Variants in MEI4 observed in about 807,000 individuals in gnomAD.
MEI4 encodes the protein meiotic double-stranded break formation protein 4.
A neutral mutation model predicts 31.4 loss-of-function variants in MEI4; 27 were observed. The ratio of observed to expected loss-of-function variants is 0.86; its 90% confidence interval spans 0.63 to 1.19. MEI4 has a LOEUF of 1.19. Among genes scored for constraint, MEI4 ranks in the 50% most tolerant of loss-of-function variants. The pLI is 0.00. For missense variants in MEI4, 329 were observed against 398.9 expected (o/e 0.82, Z 1.49); for synonymous variants, 122 against 145.4 (o/e 0.84, Z 1.16).
At chr6:77,839,855 T>G (rs1770315232) in intron 4 of MEI4, among the ~76,000 whole-genome samples, 1 of 152,174 alleles carries the variant, frequency 6.6e-6, no homozygotes, top group Admixed American at 6.5e-5. Context: ...TCTTAGTATT[T>G]CTAGGATACA....
At chr6:77,805,243 T>C (rs904175720) in intron 3 of MEI4, among the ~76,000 whole-genome samples, 2 of 152,146 alleles carry the variant, frequency 1.3e-5, no homozygotes, top group African/African-American at 2.4e-5. Context: ...TTAGATACCA[T>C]ACTTCTGTAC....
intron 3 of MEI4, among the ~76,000 whole-genome samples, chr6:77,768,506 C>T (rs1442845592): frequency 2.6e-5 from 4 of 152,058 alleles, no homozygotes; most frequent in Admixed American, 2.6e-4. Context: ...TCGAGACCAG[C>T]CTGGCCAACG....
intron 3 of MEI4, among the ~76,000 whole-genome samples, chr6:77,821,986 T>A (rs1769837725): frequency 6.6e-6 from 1 of 152,162 alleles, no homozygotes; most frequent in Admixed American, 6.5e-5. Context: ...GAAAATTTTG[T>A]GCTGGTGATG....
At chr6:77,776,227 AGTG>A (rs1768438407) in intron 3 of MEI4, among the ~76,000 whole-genome samples, 1 of 151,816 alleles carries the variant, frequency 6.6e-6, no homozygotes, top group Non-Finnish European at 1.5e-5. Flanking sequence ...TTCTAAATAA[AGTG>A]GTAACAATCA....
At chr6:77,785,986 C>A (rs570890631) in intron 3 of MEI4, among the ~76,000 whole-genome samples, 1 of 152,254 alleles carries the variant, frequency 6.6e-6, no homozygotes, top group African/African-American at 2.4e-5. Context: ...ACAGAAACAT[C>A]TGAAGCACAG....
intron 4 of MEI4, among the ~76,000 whole-genome samples, chr6:77,867,877 C>T (rs1447363070): frequency 6.6e-6 from 1 of 152,094 alleles, no homozygotes; most frequent in Non-Finnish European, 1.5e-5. Flanking sequence ...CCATGGAATA[C>T]TATGCAGCCA....
intron 3 of MEI4, among the ~76,000 whole-genome samples, chr6:77,793,359 A>G (rs759910871): frequency 3.3e-5 from 5 of 152,238 alleles, no homozygotes; most frequent in Non-Finnish European, 7.3e-5. Flanking sequence ...GCAGTAGTTC[A>G]TAACTAGTCC....
At chr6:77,869,562 A>G (rs2127724807) in intron 4 of MEI4, among the ~76,000 whole-genome samples, 1 of 152,270 alleles carries the variant, frequency 6.6e-6, no homozygotes, top group South Asian at 2.1e-4. Flanking sequence ...GAGAGGGCTC[A>G]GAGGAAATAA....
At chr6:77,652,625 A>T (rs1768320190), upstream of MEI4, among the ~76,000 whole-genome samples, 1 of 152,202 alleles carries the variant, frequency 6.6e-6, no homozygotes. Flanking sequence ...ATGTTAAAGG[A>T]TAGGAAGGAA....
chr6:77,803,618 C>G (rs150751746), intron 3 of MEI4, among the ~76,000 whole-genome samples: 145 of 152,226 alleles, frequency 9.5e-4, no homozygotes, highest in African/African-American at 3.2e-3. Context: ...TACCTTTGGT[C>G]TTTGATGATG....
At chr6:77,858,404 A>G (rs1770790634) in intron 4 of MEI4, among the ~76,000 whole-genome samples, 1 of 152,164 alleles carries the variant, frequency 6.6e-6, no homozygotes, top group Non-Finnish European at 1.5e-5. Flanking sequence ...TGCAATGCCA[A>G]AAAGGATTAT....
At chr6:77,771,679 C>T (rs751085351) in intron 3 of MEI4, among the ~76,000 whole-genome samples, 4 of 151,956 alleles carry the variant, frequency 2.6e-5, no homozygotes, top group Non-Finnish European at 5.9e-5. Context: ...GGGAAACTAA[C>T]AAAGCAACAG....
At position 77,764,791 on chromosome 6, in the gene MEI4, A is replaced by T. The variant is rs140940789; in HGVS notation, c.768+3126A>T. Among the ~76,000 whole-genome samples the T allele has an allele frequency of 1.4e-3, 212 of 152,326 alleles. 1 individual carries two copies. The highest frequency in any genetic ancestry group is 4.5e-3 in the African/African-American group (186 of 41,586). ...GACCACAATATAATGAAATTAGAAT[A>T]CAACAACAATAGGTAAAATGGTAAA... is the stretch of plus-strand genomic sequence containing the variant. On this transcript the variant is annotated intron_variant, in intron 3 of 4. Transcript: ENST00000684080.
chr6:77,779,165 TGAA>T (rs1347312468), intron 3 of MEI4, among the ~76,000 whole-genome samples: 2 of 152,068 alleles, frequency 1.3e-5, no homozygotes, highest in Non-Finnish European at 2.9e-5. Context: ...CATGTAGAGA[TGAA>T]GAAGCCTGCA....
At chr6:77,684,478 T>C (rs1162728323) in intron 1 of MEI4, among the ~76,000 whole-genome samples, 2 of 152,024 alleles carry the variant, frequency 1.3e-5, no homozygotes, top group East Asian at 3.9e-4. Flanking sequence ...CCGTTACCTA[T>C]CCCCACCTTT....
chr6:77,789,341 A>C (rs1768846305), intron 3 of MEI4, among the ~76,000 whole-genome samples: 1 of 152,246 alleles, frequency 6.6e-6, no homozygotes, highest in South Asian at 2.1e-4. Context: ...AGACATAGGC[A>C]TGGGCAAGGA....
At position 77,913,722 on chromosome 6, in the gene MEI4, GT is replaced by G. The variant is rs556208260; in HGVS notation, c.901-9354del. Among the ~76,000 whole-genome samples the G allele has an allele frequency of 3.3e-3, 472 of 141,138 alleles. 3 individuals are homozygous for G. Among genetic ancestry groups the G allele is most frequent in the Non-Finnish European group, 5.5e-3 (356 of 64,388 alleles). The allele number at this position is 141,138 out of a possible 152,430, so 92.6% of individuals were successfully genotyped here. ...GATAACAGATTATCGATTTTGTTTA[GT>G]TTTTTTTTTTTTAGAAAAACTTTTG... is the stretch of plus-strand genomic sequence containing the variant. On this transcript the variant is annotated intron_variant, in intron 4 of 4. Coordinates refer to ENST00000684080, the MANE Select transcript of MEI4 (RefSeq NM_001322247.2).
At chr6:77,738,378 G>A (rs1262426298) in intron 2 of MEI4, among the ~76,000 whole-genome samples, 1 of 152,166 alleles carries the variant, frequency 6.6e-6, no homozygotes, top group Non-Finnish European at 1.5e-5. Flanking sequence ...GATGCAAATT[G>A]CTAGAATGGG....
intron 4 of MEI4, among the ~76,000 whole-genome samples, chr6:77,874,017 A>G (rs1771267074): frequency 1.3e-5 from 2 of 152,142 alleles, no homozygotes; most frequent in South Asian, 2.1e-4. Flanking sequence ...GCCTTGTAGT[A>G]TAGTTTGAAG....
Sources: allele counts gnomAD v4.1 joint callset (sites outside exome capture counted in the v4.1 genomes callset), GRCh38; gene constraint gnomAD v4.1.1; transcripts MANE v1.5; gene names NCBI Gene and HGNC (gene_info 2026-07-23, HGNC 2026-07-21).